The following DPYS variants were observed in gnomAD, a reference collection of about 807,000 sequenced individuals.
DPYS encodes the protein dihydropyrimidine amidohydrolase.
DPYS carries 39 observed loss-of-function variants against 50.3 expected under a neutral mutation model. That is an observed-to-expected ratio of 0.78 (90% confidence interval 0.60 to 1.01). The LOEUF is 1.01. DPYS is among the 50% of genes least tolerant of loss of function. The pLI is 0.00. For synonymous variants in DPYS, 245 were observed against 250.7 expected, an observed-to-expected ratio of 0.98 and a Z score of 0.22; for missense variants, 659 against 680.9, an observed-to-expected ratio of 0.97 and a Z score of 0.36.
intron 1 of DPYS, among the ~76,000 whole-genome samples, chr8:104,462,492 C>A (rs1187048387): frequency 6.6e-6 from 1 of 152,108 alleles, no homozygotes; most frequent in African/African-American, 2.4e-5. Flanking sequence ...AATTTCCCTT[C>A]TCAATAATTT....
chr8:104,420,108 T>C (rs1564094025), intron 7 of DPYS: 1 of 152,068 alleles, frequency 6.6e-6, no homozygotes, highest in Non-Finnish European at 1.5e-5. Flanking sequence ...TGGTACAGGA[T>C]TGTAAGTGGG....
In DPYS at chr8:104,466,813, C is replaced by G; in HGVS notation, c.108G>C (p.Gly36=). 1 of 1,533,824 alleles carries G rather than the reference C, an allele frequency of 6.5e-7. No homozygotes were observed. The highest frequency in any genetic ancestry group is 8.7e-7 in the Non-Finnish European group (1 of 1,145,566). ...LVEDGVVRAL[G]HDLLPPGGAP... is the part of the protein sequence containing the mutation. ...CGCCCCCGGGAGGCAGCAGGTCGTGCCCGAGTGCCCGCACCACGCCGTCCT... is the reference window on the plus strand; with the variant it reads ...CGCCCCCGGGAGGCAGCAGGTCGTGGCCGAGTGCCCGCACCACGCCGTCCT... Residue 36 remains glycine (G), a synonymous_variant, in exon 1 of 10, where the codon GGG becomes GGC. Coordinates refer to ENST00000351513, the MANE Select transcript of DPYS (RefSeq NM_001385.3).
At chr8:104,385,906 C>A (rs1054389437) in intron 8 of DPYS, among the ~76,000 whole-genome samples, 7 of 152,254 alleles carry the variant, frequency 4.6e-5, no homozygotes, top group Non-Finnish European at 8.8e-5. Context: ...GAAATGTCAG[C>A]CAATAAATGT....
intron 7 of DPYS, chr8:104,421,371 T>TG (rs1812534842): frequency 1.3e-5 from 2 of 152,306 alleles, no homozygotes; most frequent in East Asian, 3.9e-4. Flanking sequence ...CGGTGGCTCA[T>TG]GCCTGTAATC....
intron 7 of DPYS, among the ~76,000 whole-genome samples, chr8:104,397,596 A>G (rs1396760707): frequency 2.0e-5 from 3 of 152,222 alleles, no homozygotes; most frequent in African/African-American, 7.2e-5. Flanking sequence ...TAAAATTGTT[A>G]TAACTATCAT....
At chr8:104,397,991 G>A (rs1293834218) in intron 7 of DPYS, among the ~76,000 whole-genome samples, 2 of 152,210 alleles carry the variant, frequency 1.3e-5, no homozygotes, top group Non-Finnish European at 1.5e-5. Context: ...TGCATTTGTT[G>A]TGCAGTTTGG....
intron 4 of DPYS, among the ~76,000 whole-genome samples, chr8:104,436,446 C>T (rs983279744): frequency 2.0e-5 from 3 of 152,084 alleles, no homozygotes; most frequent in Non-Finnish European, 2.9e-5. Flanking sequence ...CCTGTCTCTA[C>T]TAAAAATACA....
At chr8:104,465,080 T>A (rs1293531220) in intron 1 of DPYS, among the ~76,000 whole-genome samples, 2 of 152,230 alleles carry the variant, frequency 1.3e-5, no homozygotes, top group African/African-American at 4.8e-5. Flanking sequence ...CTGGGTCAAA[T>A]CTACCTGCCT....
intron 7 of DPYS, among the ~76,000 whole-genome samples, chr8:104,399,315 AAC>A (rs750021543): frequency 0.067 from 567 of 8,472 alleles, 45 homozygotes; most frequent in South Asian, 0.22. Flanking sequence ...AAAAAACAAC[AAC>A]AAAAAAAAAC....
At chr8:104,439,016 C>T (rs1813250563) in intron 4 of DPYS, among the ~76,000 whole-genome samples, 1 of 151,902 alleles carries the variant, frequency 6.6e-6, no homozygotes, top group South Asian at 2.1e-4. Context: ...CTACAGTGAC[C>T]TGTGTTCTTG....
intron 7 of DPYS, among the ~76,000 whole-genome samples, chr8:104,401,288 GTATTATTATTATTATTAT>G (rs34804847): frequency 1.4e-5 from 2 of 143,050 alleles, no homozygotes; most frequent in Non-Finnish European, 3.0e-5. Flanking sequence ...TATGAGGTAG[GTATTATTATTATTATTAT>G]TATTATTATT....
chr8:104,467,029 C>T lies in DPYS; in HGVS notation c.-109G>A, dbSNP rs1004033516. 1.3e-4 allele frequency: 170 copies of T among 1,278,040 alleles called. No individual in the cohort carries two copies. In the African/African-American group the frequency reaches 2.5e-3, roughly 19 times the overall value. 79.2% of individuals were successfully genotyped at this position (1,278,040 alleles called of 1,614,324 possible). On this transcript the variant is annotated 5_prime_UTR_variant, in exon 1 of 10. Transcript: ENST00000351513. The stretch of plus-strand genomic sequence containing the variant: ...CCTGCAAGGTCCCCACCGACAGCCC[C>T]CGAGCTCTGCCTCAGGCTGCAAATC...
At chr8:104,429,524 A>G in intron 5 of DPYS, 21 bp downstream of exon 5, 3 of 1,613,910 alleles carry the variant, frequency 1.9e-6, no homozygotes, top group Non-Finnish European at 2.5e-6. Flanking sequence ...TACACTTCCC[A>G]GTCATCTGCA....
chr8:104,436,204 A>G (rs2140672384), intron 4 of DPYS, among the ~76,000 whole-genome samples: 1 of 152,340 alleles, frequency 6.6e-6, no homozygotes, highest in Middle Eastern at 3.4e-3. Flanking sequence ...CCGTTCCCAC[A>G]CTGACCAACT....
At chr8:104,466,566 G>C (rs937773336) in intron 1 of DPYS, 91 bp downstream of exon 1, 7 of 1,340,678 alleles carry the variant, frequency 5.2e-6, no homozygotes, top group African/African-American at 1.5e-5. Context: ...CGCGCCGCGC[G>C]AGGCGGCCCT....
At chr8:104,456,951 A>T (rs1390505779) in intron 1 of DPYS, among the ~76,000 whole-genome samples, 3 of 152,230 alleles carry the variant, frequency 2.0e-5, no homozygotes, top group Non-Finnish European at 4.4e-5. Context: ...ATCATTACTG[A>T]AAGTACAGGA....
chr8:104,387,239 T>G (rs962345708), intron 8 of DPYS, among the ~76,000 whole-genome samples: 2 of 152,184 alleles, frequency 1.3e-5, no homozygotes, highest in Admixed American at 1.3e-4. Flanking sequence ...TCTATAACAA[T>G]GAAGATTGGC....
At chr8:104,388,913 T>C (rs1001171836) in intron 8 of DPYS, among the ~76,000 whole-genome samples, 1 of 152,238 alleles carries the variant, frequency 6.6e-6, no homozygotes, top group African/African-American at 2.4e-5. Context: ...ATAATCCCAC[T>C]ATTTGAAATA....
At chr8:104,399,866 CAAAAAAAAAAAAAAA>C (rs57562204) in intron 7 of DPYS, among the ~76,000 whole-genome samples, 2 of 52,532 alleles carry the variant, frequency 3.8e-5, no homozygotes, top group East Asian at 7.6e-4. Context: ...GACTCCGTCT[CAAAAAAAAAAAAAAA>C]AAAAAAAAAG....
Sources: allele counts gnomAD v4.1 joint callset (sites outside exome capture counted in the v4.1 genomes callset), GRCh38; gene constraint gnomAD v4.1.1; transcripts MANE v1.5; gene names NCBI Gene and HGNC (gene_info 2026-07-23, HGNC 2026-07-21).